The following LRRC27 variants were observed in gnomAD, a reference collection of about 807,000 sequenced individuals.
LRRC27 encodes the protein leucine-rich repeat-containing protein 27.
LRRC27 carries 57 observed loss-of-function variants against 55.0 expected under a neutral mutation model. The ratio of observed to expected loss-of-function variants is 1.04; its 90% CI spans 0.84 to 1.29. The LOEUF (loss-of-function observed/expected upper bound fraction) is 1.29. Ranked by LOEUF, LRRC27 falls within the 50% of genes most tolerant of loss-of-function variation. The pLI, the probability that LRRC27 is intolerant of heterozygous loss-of-function variation, is 0.00. For synonymous variants in LRRC27, 278 were observed against 251.9 expected, an observed-to-expected ratio of 1.10 and a Z score of -0.98; for missense variants, 721 against 651.5, an observed-to-expected ratio of 1.11 and a Z score of -1.16.
At chr10:132,349,381 C>G (rs1037652582) in intron 6 of LRRC27, among the ~76,000 whole-genome samples, 4 of 152,110 alleles carry the variant, frequency 2.6e-5, no homozygotes, top group Non-Finnish European at 4.4e-5. Context: ...TTTGAACATT[C>G]AAAACAGAAC....
At position 132,351,675 on chromosome 10, in the gene LRRC27, C is replaced by T; in HGVS notation, c.995C>T (p.Ala332Val). 6.2e-7 allele frequency: 1 copy of T among 1,613,992 alleles called. No homozygotes were observed. The highest frequency in any genetic ancestry group is 8.5e-7 in the Non-Finnish European group (1 of 1,179,998). The change falls in exon 7 of 11, where the codon GCA becomes GTA. Residue 332 changes from alanine (A) to valine (V), a missense_variant. Transcript: ENST00000368614. ...TCACCGTACCAAATGGCGATCCGAG[C>T]AAAAAGACTGGAAGAGAGCCGAGCG... ...LLSPYQMAIRAKRLEESRAAA... is the reference protein window; with the variant it reads ...LLSPYQMAIRVKRLEESRAAA...
chr10:132,351,584 C>G (rs2068012667), intron 6 of LRRC27, 23 bp from the exon 7 acceptor site: 2 of 1,607,912 alleles, frequency 1.2e-6, no homozygotes, highest in African/African-American at 1.3e-5. Context: ...AAACATTCAG[C>G]TAAAAACACT....
At chr10:132,335,409 A>G (rs2067068941) in intron 2 of LRRC27, among the ~76,000 whole-genome samples, 1 of 145,700 alleles carries the variant, frequency 6.9e-6, no homozygotes, top group Admixed American at 6.9e-5. Context: ...GACTTCGCCT[A>G]TTGGTTGTTG....
chr10:132,373,301 G>C (rs1425220769), intron 10 of LRRC27, among the ~76,000 whole-genome samples: 1 of 152,250 alleles, frequency 6.6e-6, no homozygotes, highest in Non-Finnish European at 1.5e-5. Flanking sequence ...GGTTCCGGCA[G>C]GTTCCAGCAG....
In LRRC27 at chr10:132,361,462, A is replaced by G. The variant is rs148688090; in HGVS notation, c.1176A>G (p.Ala392=). The G allele has an allele frequency of 6.8e-6, 11 of 1,611,864 alleles. No individual in the cohort carries two copies. The African/African-American group carries it at 1.5e-4, about 22-fold the overall frequency. ...KLLPPRRSMV[A]SKIPSATDLI... ...ATCTTGTTGCATTTTCCTAGGTGGC[A>G]TCAAAGATTCCCTCTGCCACAGATC... The change falls in exon 9 of 11, where the codon GCA becomes GCG. Residue 392 remains alanine, a synonymous_variant. Transcript: ENST00000368614.
At chr10:132,340,513 C>G (rs2138655691) in intron 3 of LRRC27, among the ~76,000 whole-genome samples, 1 of 152,242 alleles carries the variant, frequency 6.6e-6, no homozygotes, top group East Asian at 1.9e-4. Context: ...GGCCTCTGTT[C>G]ACCTTATAGA....
intron 2 of LRRC27, 104 bp from the exon 3 acceptor site, chr10:132,337,461 G>A (rs910105438): frequency 2.2e-5 from 33 of 1,509,426 alleles, no homozygotes; most frequent in Middle Eastern, 1.8e-4. Flanking sequence ...TAGTATATAC[G>A]GTTCTGGTTG....
intron 10 of LRRC27, chr10:132,366,217 C>T (rs1482336639): frequency 6.5e-6 from 1 of 154,326 alleles, no homozygotes; most frequent in Non-Finnish European, 1.4e-5. Context: ...GGGCCCAGGG[C>T]TGGGCCATGA....
rs1429863408 is a variant in LRRC27 at position 132,363,014 on chromosome 10, C to A, written c.1289+1439C>A. On this transcript the variant is annotated intron_variant, in intron 9 of 10. Coordinates refer to ENST00000368614, the MANE Select transcript of LRRC27 (RefSeq NM_030626.3). The stretch of plus-strand genomic sequence containing the variant: ...AGCAGCTCGGGGGTCTGGGGTTCAC[C>A]CTTCTCACCTCACAGCAGCTCAGGA... Among the ~76,000 whole-genome samples, 5 of 124,136 alleles carry A rather than the reference C, an allele frequency of 4.0e-5. 1 individual carries two copies. The highest frequency in any genetic ancestry group is 8.8e-5 in the Non-Finnish European group (5 of 56,530). The allele number at this position is 124,136 out of a possible 152,430, so 81.4% of individuals were successfully genotyped here.
chr10:132,352,191 G>A (rs1342008715), intron 7 of LRRC27, among the ~76,000 whole-genome samples: 1 of 113,516 alleles, frequency 8.8e-6, no homozygotes, highest in Non-Finnish European at 1.9e-5. Context: ...GCCTCCGTGT[G>A]GGGCAGGCGC....
intron 9 of LRRC27, among the ~76,000 whole-genome samples, chr10:132,364,100 G>A (rs1192924370): frequency 1.3e-5 from 2 of 152,034 alleles, no homozygotes; most frequent in South Asian, 2.1e-4. Context: ...AAAAGCTGGA[G>A]TCTGAGGCGC....
At chr10:132,356,348 G>A (rs2068312254) in intron 8 of LRRC27, among the ~76,000 whole-genome samples, 1 of 152,228 alleles carries the variant, frequency 6.6e-6, no homozygotes, top group Admixed American at 6.5e-5. Context: ...AGTTTCCCTG[G>A]AAGCCAAGAT....
chr10:132,344,535 C>T lies in LRRC27; in HGVS notation c.438C>T (p.His146=). 6.2e-7 allele frequency: 1 copy of T among 1,614,174 alleles called. No individual in the cohort carries two copies. Among genetic ancestry groups the T allele is most frequent in the Non-Finnish European group, 8.5e-7 (1 of 1,180,018 alleles). ...CGCTGAAAGCACTGAACCTAAGACA[C>T]TGCCCTCTGGAATTCCCTCCTCAGC... is the stretch of plus-strand genomic sequence containing the variant. ...VTTLKALNLR[H]CPLEFPPQLV... Residue 146 remains histidine (H), a synonymous_variant, in exon 5 of 11, where the codon CAC becomes CAT. Transcript: ENST00000368614.
Position 132,374,409 on chromosome 10 carries a change from G to A in LRRC27, c.1417-657G>A, listed in dbSNP as rs919566294. On this transcript the variant is annotated intron_variant, in intron 10 of 10. Transcript: ENST00000368614. This position sits in a 1 kb window ranked among gnomAD's most constrained non-coding sequence, Gnocchi z 4.4. ...TGCAGAGGGCCTGAGGGGCAGGAAC[G>A]GGAAGATCCCCTCCTCAGTTTATCC... 5.3e-5 allele frequency among the ~76,000 whole-genome samples: 8 copies of A among 152,094 alleles called. No individual in the cohort carries two copies. The highest frequency in any genetic ancestry group is 1.2e-4 in the African/African-American group (5 of 41,408).
chr10:132,364,418 C>G (rs548554932), intron 9 of LRRC27, among the ~76,000 whole-genome samples: 1 of 127,688 alleles, frequency 7.8e-6, no homozygotes, highest in Non-Finnish European at 1.8e-5. Flanking sequence ...CACACCCGCG[C>G]TTACACCCAC....
At chr10:132,355,742 G>T in intron 7 of LRRC27, 48 bp from the exon 8 acceptor site, 1 of 1,372,172 alleles carries the variant, frequency 7.3e-7, no homozygotes, top group Non-Finnish European at 1.0e-6. Flanking sequence ...CTGTAGCCTT[G>T]GCTCGAAGCT....
chr10:132,358,392 C>T (rs4999762), intron 8 of LRRC27, among the ~76,000 whole-genome samples: 5,785 of 13,730 alleles, frequency 0.42, 1,371 homozygotes, highest in African/African-American at 0.6. Context: ...GATGGAGCAG[C>T]GTGGGGAGGA....
intron 9 of LRRC27, among the ~76,000 whole-genome samples, chr10:132,362,407 C>A (rs987820282): frequency 1.3e-5 from 2 of 152,118 alleles, no homozygotes; most frequent in African/African-American, 2.4e-5. Flanking sequence ...ATGGATGGAG[C>A]AAATGGGGCT....
chr10:132,355,090 T>G (rs1564842917), intron 7 of LRRC27, among the ~76,000 whole-genome samples: 1 of 152,156 alleles, frequency 6.6e-6, no homozygotes, highest in Non-Finnish European at 1.5e-5. Context: ...TTTTGTTTTG[T>G]TTTTTGAGAC....
Sources: gnomAD v4.1 joint callset for allele counts (sites outside exome capture counted in the v4.1 genomes callset) on GRCh38, gnomAD v4.1.1 for gene constraint, Gnocchi (gnomAD v3.1) non-coding constraint, MANE v1.5 for transcripts, NCBI Gene and HGNC (gene_info 2026-07-23, HGNC 2026-07-21) for gene names.